The following UTRN variants were observed in gnomAD, a reference collection of about 807,000 sequenced individuals.
UTRN encodes utrophin, also known as dystrophin-related protein 1.
UTRN carries 283 observed loss-of-function variants against 463.9 expected under a neutral mutation model. The observed-to-expected ratio is 0.61, with a 90% CI of 0.55 to 0.67. The LOEUF is 0.67. Among genes scored for constraint, UTRN ranks in the 30% least tolerant of loss-of-function variants. UTRN has a pLI of 0.00. For synonymous variants in UTRN, 1,442 were observed against 1,431.5 expected (o/e 1.01, Z -0.17); for missense variants, 3,922 against 4,084.3 (o/e 0.96, Z 1.08).
At chr6:144,436,290 T>C in intron 10 of UTRN, 152 bp downstream of exon 10, 1 of 836,166 alleles carries the variant, frequency 1.2e-6, no homozygotes, top group Non-Finnish European at 1.8e-6. Context: ...AATAGTGCTT[T>C]GTCACAAAAT....
intron 41 of UTRN, among the ~76,000 whole-genome samples, chr6:144,527,825 AT>A (rs1211802091): frequency 3.3e-5 from 5 of 151,954 alleles, no homozygotes; most frequent in Non-Finnish European, 5.9e-5. Flanking sequence ...TGTGTCCTTG[AT>A]TTCCAAAAGT....
At chr6:144,600,385 G>C (rs755980842) in intron 51 of UTRN, among the ~76,000 whole-genome samples, 2 of 152,200 alleles carry the variant, frequency 1.3e-5, no homozygotes, top group Non-Finnish European at 2.9e-5. Context: ...AAAAGTTCTT[G>C]AAAGACATTT....
At position 144,321,630 on chromosome 6, in the gene UTRN, C is replaced by T. The variant is rs542199433; in HGVS notation, c.79+29723C>T. Among the ~76,000 whole-genome samples, 204 of 151,274 alleles carry T rather than the reference C, an allele frequency of 1.3e-3. 3 individuals are homozygous for T. Among genetic ancestry groups the T allele is most frequent in the African/African-American group, 4.7e-3 (194 of 41,240 alleles). ...GATTACAGGTGTGTACCACCATGCC[C>T]GGCTAATTTTTGTATTTTTAGTAGA... On this transcript the variant is annotated intron_variant, in intron 2 of 74. Coordinates refer to ENST00000367545, the MANE Select transcript of UTRN (RefSeq NM_007124.3).
At chr6:144,340,557 T>C (rs773918217) in intron 2 of UTRN, among the ~76,000 whole-genome samples, 15 of 152,144 alleles carry the variant, frequency 9.9e-5, no homozygotes, top group Non-Finnish European at 2.1e-4. Context: ...GTTCTGTAAT[T>C]CTCTCTCCAC....
intron 37 of UTRN, 131 bp from the exon 38 acceptor site, chr6:144,516,098 A>G (rs1795589136): frequency 1.1e-6 from 1 of 914,464 alleles, no homozygotes; most frequent in Non-Finnish European, 1.6e-6. Context: ...GAATGAAACA[A>G]AAGTTAGCTG....
chr6:144,479,448 T>G (rs988065016), intron 25 of UTRN, among the ~76,000 whole-genome samples: 3 of 152,148 alleles, frequency 2.0e-5, no homozygotes, highest in African/African-American at 7.2e-5. Context: ...TTTGCTTTCT[T>G]TTTTCTTTTT....
At chr6:144,798,804 C>T (rs1237682440) in intron 64 of UTRN, among the ~76,000 whole-genome samples, 5 of 152,224 alleles carry the variant, frequency 3.3e-5, no homozygotes, top group Admixed American at 6.5e-5. Flanking sequence ...TGCAGTGGCA[C>T]GATCTTGGTT....
chr6:144,620,338 G>A (rs890766765), intron 51 of UTRN, among the ~76,000 whole-genome samples: 11 of 152,052 alleles, frequency 7.2e-5, no homozygotes, highest in African/African-American at 2.7e-4. Flanking sequence ...ATTAATCGGG[G>A]TGTGCATGCC....
intron 63 of UTRN, among the ~76,000 whole-genome samples, chr6:144,797,497 A>G (rs930357220): frequency 6.6e-6 from 1 of 152,146 alleles, no homozygotes; most frequent in Non-Finnish European, 1.5e-5. Context: ...ACCCGGCCAA[A>G]TGAGTTTTAC....
At chr6:144,661,352 G>A (rs1210925444) in intron 51 of UTRN, among the ~76,000 whole-genome samples, 1 of 152,188 alleles carries the variant, frequency 6.6e-6, no homozygotes, top group East Asian at 1.9e-4. Context: ...ATGGTGGGAT[G>A]AATGTGGAGA....
Position 144,548,748 on chromosome 6 carries a change from T to C in UTRN, c.6704T>C (p.Ile2235Thr), listed in dbSNP as rs1798642173. 4 of 1,614,068 alleles carry C rather than the reference T, an allele frequency of 2.5e-6. No individual in the cohort carries two copies. In the African/African-American group the frequency reaches 4.0e-5, roughly 16 times the overall value. ...ATTCCTGCTGATCTTGATAAAACTA[T>C]AACAGAACTAGCCGACTGGCTGGTA... ...ISIPADLDKT[I>T]TELADWLVLI... The change falls in exon 47 of 75, where the codon ATA becomes ACA. Residue 2235 changes from isoleucine (I) to threonine (T), a missense_variant. By Grantham distance (89) the Ile-to-Thr change is moderately conservative. This residue lies in a region of UTRN where 2,349 missense variants were observed against 2,303.8 expected (regional missense o/e 1.02). Coordinates refer to ENST00000367545, the MANE Select transcript of UTRN (RefSeq NM_007124.3).
chr6:144,850,963 G>A lies in UTRN; in HGVS notation c.10294-26G>A, dbSNP rs1218866014. The A allele has an allele frequency of 3.7e-6, 6 of 1,613,354 alleles. No homozygotes were observed. The African/African-American group carries it at 8.0e-5, about 22-fold the overall frequency. ...CCTGTAATGTTTTGTGCAAATTTCT[G>A]ACAGTGCTATTTTCCCTTCCCATAG... On this transcript the variant is annotated intron_variant, in intron 74 of 74. Transcript: ENST00000367545.
At chr6:144,432,548 A>G in intron 9 of UTRN, among the ~76,000 whole-genome samples, 1 of 152,136 alleles carries the variant, frequency 6.6e-6, no homozygotes, top group East Asian at 1.9e-4. Context: ...TGGACTGTGG[A>G]TTGTGAAGGT....
At chr6:144,824,780 G>GC (rs1290100528) in intron 66 of UTRN, among the ~76,000 whole-genome samples, 1 of 146,204 alleles carries the variant, frequency 6.8e-6, no homozygotes, top group East Asian at 2.0e-4. Flanking sequence ...TGGTGGGGGG[G>GC]GGTGTCCCCC....
intron 2 of UTRN, among the ~76,000 whole-genome samples, chr6:144,294,109 CA>C (rs200446798): frequency 0.012 from 1,784 of 152,098 alleles, 15 homozygotes; most frequent in Non-Finnish European, 0.018. Context: ...AATGAACCCA[CA>C]TTACTGAGTT....
At chr6:144,372,266 T>C (rs1192355323) in intron 2 of UTRN, among the ~76,000 whole-genome samples, 1 of 152,242 alleles carries the variant, frequency 6.6e-6, no homozygotes, top group East Asian at 1.9e-4. Context: ...TGGGGGCAGA[T>C]TGCCTGGGTT....
rs189853473 is a variant in UTRN at position 144,850,632 on chromosome 6, C to T, written c.10294-357C>T. ...GATGGTTGGCATTGTTAGGGTACCCCCTCTACAGATGACCTCCCACAGTCC... is the reference window on the plus strand; with the variant it reads ...GATGGTTGGCATTGTTAGGGTACCCTCTCTACAGATGACCTCCCACAGTCC... On this transcript the variant is annotated intron_variant, in intron 74 of 74. Transcript: ENST00000367545. 2.0e-3 allele frequency among the ~76,000 whole-genome samples: 301 copies of T among 152,184 alleles called. 4 individuals carry two copies. The highest frequency in any genetic ancestry group is 7.9e-3 in the Admixed American group (121 of 15,270).
intron 21 of UTRN, 47 bp downstream of exon 21, chr6:144,459,401 T>A: frequency 6.6e-7 from 1 of 1,526,448 alleles, no homozygotes; most frequent in Middle Eastern, 1.8e-4. Flanking sequence ...TGCCTTAATG[T>A]AAACATGACT....
intron 41 of UTRN, among the ~76,000 whole-genome samples, chr6:144,528,340 G>A (rs1232123847): frequency 6.6e-6 from 1 of 152,046 alleles, no homozygotes; most frequent in Non-Finnish European, 1.5e-5. Flanking sequence ...CCAGCCTAGT[G>A]TGATCTTTTT....
Sources: allele counts gnomAD v4.1 joint callset (sites outside exome capture counted in the v4.1 genomes callset), GRCh38; gene constraint gnomAD v4.1.1; regional missense constraint gnomAD v4.1.1; transcripts MANE v1.5; gene names NCBI Gene and HGNC (gene_info 2026-07-23, HGNC 2026-07-21).